Variants in LRMDA observed in about 807,000 individuals in gnomAD.
LRMDA encodes leucine-rich melanocyte differentiation-associated protein.
In LRMDA, 18 loss-of-function variants were observed where a neutral mutation model predicts 29.8. The observed-to-expected ratio is 0.60, with a 90% CI of 0.42 to 0.90. LRMDA has a LOEUF of 0.90. Among genes scored for constraint, LRMDA ranks in the 40% least tolerant of loss-of-function variants. The pLI is 0.00. For missense variants in LRMDA, 273 were observed against 273.9 expected, an observed-to-expected ratio of 1.00 and a Z score of 0.02; for synonymous variants, 125 against 109.4, an observed-to-expected ratio of 1.14 and a Z score of -0.89.
chr10:76,418,447 T>C (rs1024864115), intron 6 of LRMDA, among the ~76,000 whole-genome samples: 2 of 151,988 alleles, frequency 1.3e-5, no homozygotes, highest in African/African-American at 4.8e-5. Context: ...TACTTATTTT[T>C]TGATGCTAGT....
intron 5 of LRMDA, among the ~76,000 whole-genome samples, chr10:76,294,333 A>G (rs1840386743): frequency 2.0e-5 from 3 of 152,326 alleles, no homozygotes; most frequent in South Asian, 2.1e-4. Context: ...CAGACCTAAT[A>G]CAAGTAGATC....
chr10:75,517,385 G>A (rs1845303341), intron 2 of LRMDA, among the ~76,000 whole-genome samples: 2 of 152,192 alleles, frequency 1.3e-5, no homozygotes, highest in South Asian at 2.1e-4. Flanking sequence ...TTGAGCAGTG[G>A]TTTGTAGTTC....
chr10:76,443,835 G>A (rs11001783), intron 6 of LRMDA, among the ~76,000 whole-genome samples: 48,190 of 152,034 alleles, frequency 0.32, 8,730 homozygotes, highest in Non-Finnish European at 0.43. Context: ...TTCTGTGAGA[G>A]CTTATGAGTT....
intron 2 of LRMDA, among the ~76,000 whole-genome samples, chr10:75,702,198 C>T (rs1037408805): frequency 6.6e-5 from 10 of 152,158 alleles, no homozygotes; most frequent in African/African-American, 2.4e-4. Context: ...TGTCTACTCT[C>T]GTCACAGTCA....
chr10:76,174,897 G>C (rs945669797), intron 5 of LRMDA, among the ~76,000 whole-genome samples: 1 of 151,348 alleles, frequency 6.6e-6, no homozygotes, highest in Non-Finnish European at 1.5e-5. Flanking sequence ...AGGCAGGGGG[G>C]ATTGCCTGAG....
At chr10:76,165,707 G>A (rs997309385) in intron 5 of LRMDA, among the ~76,000 whole-genome samples, 4 of 152,144 alleles carry the variant, frequency 2.6e-5, no homozygotes, top group African/African-American at 9.7e-5. Flanking sequence ...AGTGAAGGAG[G>A]GGAATAGCCC....
intron 5 of LRMDA, among the ~76,000 whole-genome samples, chr10:76,130,970 G>A (rs1052177230): frequency 6.6e-6 from 1 of 152,110 alleles, no homozygotes; most frequent in South Asian, 2.1e-4. Flanking sequence ...GCCCCACCTA[G>A]CCTATTGTAT....
intron 5 of LRMDA, among the ~76,000 whole-genome samples, chr10:76,157,508 G>T (rs1850559867): frequency 6.6e-6 from 1 of 152,066 alleles, no homozygotes. Context: ...CAGCTACTCA[G>T]AGGGCTGAGG....
intron 5 of LRMDA, among the ~76,000 whole-genome samples, chr10:76,099,729 G>C (rs1329999737): frequency 5.9e-5 from 9 of 152,000 alleles, no homozygotes; most frequent in South Asian, 2.1e-4. Flanking sequence ...GTTTAATTTT[G>C]TGTGGTTAAA....
At chr10:75,692,926 T>C (rs1288345694) in intron 2 of LRMDA, among the ~76,000 whole-genome samples, 1 of 152,146 alleles carries the variant, frequency 6.6e-6, no homozygotes, top group Admixed American at 6.6e-5. Context: ...ATCATCTGCT[T>C]TGATTCTAGC....
intron 6 of LRMDA, among the ~76,000 whole-genome samples, chr10:76,507,096 C>G (rs1360407701): frequency 6.6e-6 from 1 of 151,816 alleles, no homozygotes; most frequent in Non-Finnish European, 1.5e-5. Context: ...GCATCTTTAC[C>G]AGCATCTGTT....
At chr10:76,161,193 T>G (rs1850641109) in intron 5 of LRMDA, among the ~76,000 whole-genome samples, 1 of 152,134 alleles carries the variant, frequency 6.6e-6, no homozygotes, top group African/African-American at 2.4e-5. Context: ...AGATCTTGTC[T>G]CTGACTCACG....
intron 2 of LRMDA, among the ~76,000 whole-genome samples, chr10:75,696,681 G>A (rs1183216049): frequency 6.6e-6 from 1 of 152,192 alleles, no homozygotes; most frequent in African/African-American, 2.4e-5. Context: ...AGGAAATAAA[G>A]ATCCAGAAAG....
intron 2 of LRMDA, among the ~76,000 whole-genome samples, chr10:75,574,096 G>T (rs1332323854): frequency 6.6e-6 from 1 of 151,650 alleles, no homozygotes; most frequent in African/African-American, 2.4e-5. Flanking sequence ...CCAGCTTTAT[G>T]CAGAGCTCTT....
chr10:76,332,956 T>G (rs1456542328), intron 6 of LRMDA, among the ~76,000 whole-genome samples: 2 of 152,124 alleles, frequency 1.3e-5, no homozygotes, highest in East Asian at 3.9e-4. Context: ...ATTACATAAA[T>G]AAGAGCTCTA....
At chr10:75,546,479 A>G (rs1313078841) in intron 2 of LRMDA, among the ~76,000 whole-genome samples, 3 of 152,226 alleles carry the variant, frequency 2.0e-5, no homozygotes, top group South Asian at 4.1e-4. Flanking sequence ...AGAGAAGACT[A>G]TACATCAGAA....
intron 6 of LRMDA, among the ~76,000 whole-genome samples, chr10:76,397,060 C>T (rs1012911838): frequency 6.6e-6 from 1 of 152,184 alleles, no homozygotes; most frequent in African/African-American, 2.4e-5. Context: ...CGTCCCCTCC[C>T]TTGCTGGTTT....
chr10:75,667,415 C>T (rs991435640), intron 2 of LRMDA, among the ~76,000 whole-genome samples: 1 of 152,242 alleles, frequency 6.6e-6, no homozygotes, highest in Admixed American at 6.5e-5. Context: ...TCTCCTGCCT[C>T]AGCATCCTGA....
intron 6 of LRMDA, among the ~76,000 whole-genome samples, chr10:76,521,301 T>C (rs1264392131): frequency 6.6e-6 from 1 of 151,816 alleles, no homozygotes; most frequent in Non-Finnish European, 1.5e-5. Flanking sequence ...GCCCGGCTAA[T>C]TTTTTTGTAT....
Sources: gnomAD v4.1 joint callset for allele counts (sites outside exome capture counted in the v4.1 genomes callset) on GRCh38, gnomAD v4.1.1 for gene constraint, MANE v1.5 for transcripts, NCBI Gene and HGNC (gene_info 2026-07-23, HGNC 2026-07-21) for gene names.